SUPT3H: variants seen among roughly 807,000 people sequenced by gnomAD.
The protein encoded by SUPT3H is transcription initiation protein SPT3 homolog.
A neutral mutation model predicts 44.3 loss-of-function variants in SUPT3H; 44 were observed. That is an observed-to-expected ratio of 0.99 (90% CI 0.78 to 1.28). The LOEUF (loss-of-function observed/expected upper bound fraction) is 1.28, where lower values mean the gene tolerates loss of function less well. Among genes scored for constraint, SUPT3H ranks in the 50% most tolerant of loss-of-function variants. The pLI, the probability that SUPT3H is intolerant of heterozygous loss-of-function variation, is 0.00. For missense variants in SUPT3H, 380 were observed against 387.1 expected (o/e 0.98, Z 0.15); for synonymous variants, 124 against 125.6 (o/e 0.99, Z 0.09).
intron 2 of SUPT3H, chr6:45,321,915 C>T (rs1296379466): frequency 1.5e-6 from 2 of 1,315,126 alleles, no homozygotes; most frequent in South Asian, 1.3e-5. Context: ...TGTAATCTCA[C>T]CTTAGATGGT....
chr6:45,023,711 G>A (rs1019978372), intron 3 of SUPT3H, among the ~76,000 whole-genome samples: 1 of 111,616 alleles, frequency 9.0e-6, no homozygotes, highest in Non-Finnish European at 1.8e-5. Context: ...GCTAAATGAT[G>A]AGCACTTATG....
chr6:44,908,745 T>C (rs1766525949), intron 10 of SUPT3H, among the ~76,000 whole-genome samples: 1 of 151,914 alleles, frequency 6.6e-6, no homozygotes, highest in Admixed American at 6.6e-5. Context: ...TATATATAAT[T>C]CCTGACATAT....
chr6:44,868,150 C>G (rs576100135), intron 10 of SUPT3H, among the ~76,000 whole-genome samples: 1 of 152,104 alleles, frequency 6.6e-6, no homozygotes, highest in Non-Finnish European at 1.5e-5. Context: ...TTGTAGGTTT[C>G]GGATTCATTT....
At chr6:44,980,333 A>G (rs1582878669) in intron 6 of SUPT3H, among the ~76,000 whole-genome samples, 1 of 152,256 alleles carries the variant, frequency 6.6e-6, no homozygotes, top group East Asian at 1.9e-4. Context: ...GTGAAACAAC[A>G]TATAACAAAA....
chr6:45,016,569 C>T (rs1484090022), intron 4 of SUPT3H, among the ~76,000 whole-genome samples: 1 of 146,346 alleles, frequency 6.8e-6, no homozygotes, highest in Non-Finnish European at 1.5e-5. Context: ...GTTGAACTCC[C>T]ATCTATGAGT....
chr6:45,109,694 T>G (rs555666557), intron 2 of SUPT3H, among the ~76,000 whole-genome samples: 8 of 152,338 alleles, frequency 5.3e-5, no homozygotes, highest in African/African-American at 1.9e-4. Context: ...AAACTAGATA[T>G]TGTTCTAGTC....
intron 2 of SUPT3H, among the ~76,000 whole-genome samples, chr6:45,158,298 A>ATATATATATATATATATATAATTTTTTTT: frequency 4.0e-5 from 4 of 99,688 alleles, no homozygotes; most frequent in South Asian, 3.0e-4. Context: ...ATATATATAT[A>ATATATATATATATATATATAATTTTTTTT]TTTTTTTTTT....
chr6:44,816,949 T>G (rs1456533890), intron 11 of SUPT3H, among the ~76,000 whole-genome samples: 2 of 152,032 alleles, frequency 1.3e-5, no homozygotes, highest in Non-Finnish European at 2.9e-5. Flanking sequence ...TACTTCTAGC[T>G]GTTTGGGAGG....
chr6:45,307,339 C>A lies in SUPT3H; in HGVS notation c.101+57862G>T, dbSNP rs187431068. Among the ~76,000 whole-genome samples the A allele has an allele frequency of 2.0e-3, 299 of 152,330 alleles. 3 individuals are homozygous for A. Among genetic ancestry groups the A allele is most frequent in the African/African-American group, 6.9e-3 (286 of 41,576 alleles). On this transcript the variant is annotated intron_variant, in intron 2 of 10. Coordinates refer to ENST00000371459, the MANE Select transcript of SUPT3H (RefSeq NM_003599.4). ...TGCCTCCTCAAGTGGGTCCCTGACA[C>A]CCGAGTAGCCTAACTGGGAGGCACC...
intron 2 of SUPT3H, among the ~76,000 whole-genome samples, chr6:45,126,172 C>T (rs1172467158): frequency 1.3e-5 from 2 of 152,144 alleles, no homozygotes; most frequent in African/African-American, 4.8e-5. Flanking sequence ...AGTAAATACC[C>T]ATTGGAAAAA....
At chr6:45,207,155 T>C (rs910645897) in intron 2 of SUPT3H, among the ~76,000 whole-genome samples, 1 of 152,108 alleles carries the variant, frequency 6.6e-6, no homozygotes, top group Non-Finnish European at 1.5e-5. Context: ...AGAAACGACT[T>C]AGTGAAGTTA....
At chr6:45,229,585 G>A (rs1767579920) in intron 2 of SUPT3H, among the ~76,000 whole-genome samples, 1 of 152,064 alleles carries the variant, frequency 6.6e-6, no homozygotes, top group Admixed American at 6.6e-5. Context: ...ACATTTTACA[G>A]ATGAGAAAAC....
At chr6:45,042,325 A>C (rs1408738843) in intron 3 of SUPT3H, among the ~76,000 whole-genome samples, 1 of 152,176 alleles carries the variant, frequency 6.6e-6, no homozygotes, top group African/African-American at 2.4e-5. Flanking sequence ...TGGGAGGCTG[A>C]GGCAGGAGAA....
intron 2 of SUPT3H, among the ~76,000 whole-genome samples, chr6:45,345,145 G>A (rs772228437): frequency 1.3e-5 from 2 of 152,078 alleles, no homozygotes; most frequent in Non-Finnish European, 2.9e-5. Context: ...AATACAAGAT[G>A]TCAGAATACT....
intron 2 of SUPT3H, among the ~76,000 whole-genome samples, chr6:45,224,126 G>C (rs1766506857): frequency 6.6e-6 from 1 of 150,844 alleles, no homozygotes; most frequent in South Asian, 2.1e-4. Context: ...AGGATTGAAA[G>C]ACAAACATAA....
intron 2 of SUPT3H, among the ~76,000 whole-genome samples, chr6:45,308,663 G>A (rs1409021153): frequency 6.6e-6 from 1 of 151,536 alleles, no homozygotes; most frequent in Non-Finnish European, 1.5e-5. Context: ...AATGGGTGCA[G>A]TACACCAACA....
At chr6:45,134,758 T>C (rs1677359710) in intron 2 of SUPT3H, among the ~76,000 whole-genome samples, 2 of 152,256 alleles carry the variant, frequency 1.3e-5, no homozygotes, top group Non-Finnish European at 2.9e-5. Flanking sequence ...CAGGATGGAT[T>C]TGCATGCTGG....
intron 2 of SUPT3H, among the ~76,000 whole-genome samples, chr6:45,168,806 C>T (rs1175077758): frequency 6.6e-6 from 1 of 152,100 alleles, no homozygotes; most frequent in African/African-American, 2.4e-5. Context: ...CGTTTTGCTA[C>T]CAGAGCTAAG....
At chr6:45,113,557 G>A (rs1800380077) in intron 2 of SUPT3H, among the ~76,000 whole-genome samples, 1 of 152,218 alleles carries the variant, frequency 6.6e-6, no homozygotes, top group East Asian at 1.9e-4. Flanking sequence ...AATAAGGCTG[G>A]GCGTGGTGGC....
Sources: allele counts gnomAD v4.1 joint callset (sites outside exome capture counted in the v4.1 genomes callset), GRCh38; gene constraint gnomAD v4.1.1; transcripts MANE v1.5; gene names NCBI Gene and HGNC (gene_info 2026-07-23, HGNC 2026-07-21).